VWC2L: variants seen among roughly 807,000 people sequenced by gnomAD.
The protein encoded by VWC2L is von Willebrand factor C domain containing 2 like, also known as von Willebrand factor C domain-containing protein 2-like.
In VWC2L, 10 loss-of-function variants were observed where a neutral mutation model predicts 21.6. That is an observed-to-expected ratio of 0.46 (90% CI 0.29 to 0.78). VWC2L has a LOEUF of 0.78. VWC2L is among the 30% of genes least tolerant of loss of function. VWC2L has a pLI of 0.10. For missense variants in VWC2L, 209 were observed against 277.1 expected (o/e 0.75, Z 1.74); for synonymous variants, 96 against 94.3 (o/e 1.02, Z -0.10).
intron 3 of VWC2L, among the ~76,000 whole-genome samples, chr2:214,440,344 A>G (rs1306845559): frequency 6.6e-6 from 1 of 152,034 alleles, no homozygotes; most frequent in East Asian, 1.9e-4. Context: ...TTTCCTTTAC[A>G]CAGCTCCAAG....
rs555083782 is a variant in VWC2L at position 214,539,124 on chromosome 2, G to A, written c.521-36548G>A. ...AAGGCAACGTGATGGTGCTCTCCTC[G>A]GATGCCACACTGCCTCTGATTTGTT... On this transcript the variant is annotated intron_variant, in intron 3 of 3. Coordinates refer to ENST00000312504, the MANE Select transcript of VWC2L (RefSeq NM_001080500.4). 6.6e-5 allele frequency among the ~76,000 whole-genome samples: 10 copies of A among 152,048 alleles called. No individual in the cohort carries two copies. In the East Asian group the frequency reaches 1.5e-3, roughly 24 times the overall value.
intron 3 of VWC2L, among the ~76,000 whole-genome samples, chr2:214,542,011 T>A (rs1334761815): frequency 6.6e-6 from 1 of 152,106 alleles, no homozygotes; most frequent in African/African-American, 2.4e-5. Flanking sequence ...CTGTTGTTTA[T>A]TTTTGATCAC....
At chr2:214,500,515 C>A (rs1688877155) in intron 3 of VWC2L, among the ~76,000 whole-genome samples, 2 of 152,182 alleles carry the variant, frequency 1.3e-5, no homozygotes, top group African/African-American at 4.8e-5. Flanking sequence ...CCAGGTAGGA[C>A]AAAAGGCAAG....
chr2:214,524,428 AT>A (rs1689294384), intron 3 of VWC2L, among the ~76,000 whole-genome samples: 2 of 152,128 alleles, frequency 1.3e-5, no homozygotes, highest in South Asian at 4.2e-4. Flanking sequence ...CGTTCTGAGG[AT>A]TTTTCTCCCT....
At chr2:214,544,917 A>G (rs923622822) in intron 3 of VWC2L, among the ~76,000 whole-genome samples, 2 of 152,174 alleles carry the variant, frequency 1.3e-5, no homozygotes, top group Non-Finnish European at 2.9e-5. Context: ...TAGTAAGTAC[A>G]AAAACTAAGA....
At chr2:214,503,610 G>C (rs895988088) in intron 3 of VWC2L, among the ~76,000 whole-genome samples, 7 of 151,962 alleles carry the variant, frequency 4.6e-5, no homozygotes, top group African/African-American at 1.7e-4. Context: ...AGCTACAAAA[G>C]CAGTGATTGT....
intron 3 of VWC2L, among the ~76,000 whole-genome samples, chr2:214,438,982 G>A (rs1004186897): frequency 1.4e-4 from 21 of 151,862 alleles, no homozygotes; most frequent in Middle Eastern, 3.2e-3. Flanking sequence ...CTTAAATAAG[G>A]GAAATGAATC....
At chr2:214,486,861 A>G (rs1688679336) in intron 3 of VWC2L, among the ~76,000 whole-genome samples, 2 of 152,212 alleles carry the variant, frequency 1.3e-5, no homozygotes, top group South Asian at 4.1e-4. Context: ...ACCACAAACC[A>G]GACATGGAAA....
intron 2 of VWC2L, among the ~76,000 whole-genome samples, chr2:214,421,783 G>C (rs60841734): frequency 0.19 from 24,437 of 128,246 alleles, 2,037 homozygotes; most frequent in East Asian, 0.28. Context: ...TTTTGGATAT[G>C]TTAAAAAAAA....
At chr2:214,505,815 A>G (rs907445264) in intron 3 of VWC2L, among the ~76,000 whole-genome samples, 4 of 152,192 alleles carry the variant, frequency 2.6e-5, no homozygotes, top group Non-Finnish European at 1.5e-5. Context: ...GGTATAAAAA[A>G]TGTTCCCATA....
intron 3 of VWC2L, among the ~76,000 whole-genome samples, chr2:214,539,634 T>C (rs1463218821): frequency 6.6e-6 from 1 of 152,166 alleles, no homozygotes; most frequent in African/African-American, 2.4e-5. Flanking sequence ...GAGATTTTGA[T>C]TTGTATTCTG....
chr2:214,418,138 T>C (rs569892722), intron 2 of VWC2L, among the ~76,000 whole-genome samples: 1 of 152,244 alleles, frequency 6.6e-6, no homozygotes, highest in South Asian at 2.1e-4. Context: ...TGGAAACCCC[T>C]CTCTGTCTGT....
intron 3 of VWC2L, among the ~76,000 whole-genome samples, chr2:214,459,391 A>G (rs1022125773): frequency 1.3e-4 from 20 of 152,116 alleles, no homozygotes; most frequent in African/African-American, 4.6e-4. Flanking sequence ...AATTTAATCT[A>G]TTTACATTCA....
chr2:214,453,555 C>A (rs1703007896), intron 3 of VWC2L, among the ~76,000 whole-genome samples: 1 of 152,030 alleles, frequency 6.6e-6, no homozygotes, highest in African/African-American at 2.4e-5. Flanking sequence ...CTCTATACAC[C>A]CATTTGAGGA....
At chr2:214,494,558 G>A (rs1688786415) in intron 3 of VWC2L, among the ~76,000 whole-genome samples, 1 of 152,094 alleles carries the variant, frequency 6.6e-6, no homozygotes, top group Admixed American at 6.6e-5. Flanking sequence ...GTTTGTGACA[G>A]TGTCCTCCAT....
intron 3 of VWC2L, among the ~76,000 whole-genome samples, chr2:214,543,038 C>G (rs1386271963): frequency 6.6e-6 from 1 of 152,120 alleles, no homozygotes; most frequent in African/African-American, 2.4e-5. Flanking sequence ...TTACTCACAC[C>G]TCAAGGAATG....
intron 3 of VWC2L, among the ~76,000 whole-genome samples, chr2:214,522,630 A>G (rs1408266810): frequency 2.0e-5 from 3 of 152,088 alleles, no homozygotes; most frequent in Non-Finnish European, 4.4e-5. Flanking sequence ...AATATATACT[A>G]TCTACCTAAA....
At chr2:214,472,139 G>A (rs1184557631) in intron 3 of VWC2L, 1 of 152,104 alleles carries the variant, frequency 6.6e-6, no homozygotes, top group Non-Finnish European at 1.5e-5. Flanking sequence ...TCTAAAATAA[G>A]TATTGGGTAT....
At chr2:214,492,490 T>G (rs78495659) in intron 3 of VWC2L, among the ~76,000 whole-genome samples, 2 of 152,162 alleles carry the variant, frequency 1.3e-5, no homozygotes, top group African/African-American at 4.8e-5. Flanking sequence ...CCAGCCCACA[T>G]AGACCAATGT....
Sources: gnomAD v4.1 joint callset for allele counts (sites outside exome capture counted in the v4.1 genomes callset) on GRCh38, gnomAD v4.1.1 for gene constraint, MANE v1.5 for transcripts, NCBI Gene and HGNC (gene_info 2026-07-23, HGNC 2026-07-21) for gene names.